MTERF3: variants seen among roughly 807,000 people sequenced by gnomAD.
The protein encoded by MTERF3 is mitochondrial transcription termination factor 3.
MTERF3 carries 40 observed loss-of-function variants against 40.5 expected under a neutral mutation model. The observed-to-expected ratio is 0.99, with a 90% CI of 0.77 to 1.29. The LOEUF (loss-of-function observed/expected upper bound fraction) is 1.29. Among genes scored for constraint, MTERF3 ranks in the 50% most tolerant of loss-of-function variants. The pLI, the probability that MTERF3 is intolerant of heterozygous loss-of-function variation, is 0.00. For synonymous variants in MTERF3, 158 were observed against 166.6 expected, an observed-to-expected ratio of 0.95 and a Z score of 0.40; for missense variants, 452 against 478.2, an observed-to-expected ratio of 0.95 and a Z score of 0.51.
chr8:96,251,838 G>GTAT (rs1303551347), intron 3 of MTERF3, among the ~76,000 whole-genome samples: 1 of 152,102 alleles, frequency 6.6e-6, no homozygotes, highest in African/African-American at 2.4e-5. Context: ...TATTAAACAG[G>GTAT]TATTAAGATG....
At chr8:96,250,620 GAAGAAGAAGAAGAAGAAGAA>G (rs1810134616) in intron 4 of MTERF3, among the ~76,000 whole-genome samples, 1 of 9,408 alleles carries the variant, frequency 1.1e-4, no homozygotes, top group East Asian at 1.5e-3. Context: ...TGAGGCAGAA[GAAGAAGAAGAAGAAGAAGAA>G]GAAGAAGAAG....
At chr8:96,249,425 T>A (rs1457051795) in intron 4 of MTERF3, among the ~76,000 whole-genome samples, 1 of 152,226 alleles carries the variant, frequency 6.6e-6, no homozygotes, top group Non-Finnish European at 1.5e-5. Context: ...GAGCTGGATA[T>A]GTCAGATGAG....
Position 96,257,007 on chromosome 8 carries a change from C to T in MTERF3, c.442G>A (p.Asp148Asn). Residue 148 changes from aspartate (D) to asparagine (N), a missense_variant, in exon 3 of 8, where the codon GAC (aspartate) becomes AAC (asparagine). Transcript: ENST00000287025. ...AGAGTCTCAGAATGATCCACATAGTCTCGAAGTGTGAATGAAGCTGGTGGC... is the reference window on the plus strand; with the variant it reads ...AGAGTCTCAGAATGATCCACATAGTTTCGAAGTGTGAATGAAGCTGGTGGC... ...PLPPASFTLR[D>N]YVDHSETLQK... The T allele has an allele frequency of 6.2e-7, 1 of 1,613,928 alleles. No homozygotes were observed.
chr8:96,249,101 C>T (rs927248944), intron 4 of MTERF3, among the ~76,000 whole-genome samples: 6 of 152,152 alleles, frequency 3.9e-5, no homozygotes, highest in Non-Finnish European at 7.4e-5. Context: ...GAGCAAGTAA[C>T]TTAAGCTATT....
intron 7 of MTERF3, among the ~76,000 whole-genome samples, chr8:96,242,319 G>T (rs559560129): frequency 1.9e-4 from 29 of 152,160 alleles, no homozygotes; most frequent in Non-Finnish European, 3.2e-4. Flanking sequence ...TAAAATCTGT[G>T]TTTTTAAGTG....
chr8:96,245,982 T>A, intron 5 of MTERF3, 51 bp from the exon 6 acceptor site: 1 of 1,518,890 alleles, frequency 6.6e-7, no homozygotes, highest in Non-Finnish European at 9.0e-7. Context: ...CATCTTTAAC[T>A]AGTTTGGAAA....
intron 4 of MTERF3, among the ~76,000 whole-genome samples, chr8:96,249,215 C>T (rs148687095): frequency 2.6e-4 from 39 of 152,254 alleles, no homozygotes; most frequent in Non-Finnish European, 3.7e-4. Context: ...CTTATACTAA[C>T]GGTGTGTAAT....
chr8:96,243,979 C>T lies in MTERF3; in HGVS notation c.999G>A (p.Thr333=), dbSNP rs146707087. Residue 333 remains threonine, a synonymous_variant, in exon 7 of 8, where the codon ACG becomes ACA. Transcript: ENST00000287025. ...LTANKMKLTE[T]FDFVHNVMSI... is the part of the protein sequence containing the mutation. ...TCATCACATTGTGCACAAAATCAAA[C>T]GTCTCGGTAAGTTTCATTTTATTTG... 3,733 of 1,614,102 alleles carry T rather than the reference C, an allele frequency of 2.3e-3. 16 individuals are homozygous for T. The highest frequency in any genetic ancestry group is 8.1e-3 in the South Asian group (736 of 91,072).
At chr8:96,245,459 T>C (rs1810003972) in intron 6 of MTERF3, among the ~76,000 whole-genome samples, 1 of 152,128 alleles carries the variant, frequency 6.6e-6, no homozygotes, top group African/African-American at 2.4e-5. Flanking sequence ...GGATCCAGCC[T>C]CCAAAACTCC....
chr8:96,256,062 A>T (rs968004787), intron 3 of MTERF3, among the ~76,000 whole-genome samples: 1 of 152,236 alleles, frequency 6.6e-6, no homozygotes, highest in Non-Finnish European at 1.5e-5. Flanking sequence ...AGGAGAAAGG[A>T]GATTCATTAT....
chr8:96,250,450 C>T lies in MTERF3; in HGVS notation c.677+456G>A, dbSNP rs183224476. Among the ~76,000 whole-genome samples the T allele has an allele frequency of 1.0e-3, 151 of 146,392 alleles. 1 individual carries two copies. The highest frequency in any genetic ancestry group is 3.4e-3 in the African/African-American group (139 of 40,336). ...TGGAGCCAGGCAGGGTGGCTCATGCCTGTAAAATCCCAGCACTTTGGAGGC... is the reference window on the plus strand; with the variant it reads ...TGGAGCCAGGCAGGGTGGCTCATGCTTGTAAAATCCCAGCACTTTGGAGGC... On this transcript the variant is annotated intron_variant, in intron 4 of 7. Coordinates refer to ENST00000287025, the MANE Select transcript of MTERF3 (RefSeq NM_015942.5).
intron 4 of MTERF3, among the ~76,000 whole-genome samples, chr8:96,250,694 A>AGGAGGG (rs1481699664): frequency 5.8e-5 from 1 of 17,238 alleles, no homozygotes; most frequent in African/African-American, 3.1e-4. Flanking sequence ...GAGGAGGAGG[A>AGGAGGG]GGGGGGGAGG....
At chr8:96,244,608 C>T (rs558272368) in intron 6 of MTERF3, among the ~76,000 whole-genome samples, 14 of 152,236 alleles carry the variant, frequency 9.2e-5, no homozygotes, top group Admixed American at 3.9e-4. Flanking sequence ...ACCATGTTGG[C>T]CAGGCTGGTC....
At chr8:96,241,840 C>T (rs951531794) in intron 7 of MTERF3, among the ~76,000 whole-genome samples, 1 of 152,192 alleles carries the variant, frequency 6.6e-6, no homozygotes, top group Non-Finnish European at 1.5e-5. Context: ...ACTTTGCCTT[C>T]ACAGAAAGTC....
In MTERF3 at chr8:96,251,826, G is replaced by C. The variant is rs533976697; in HGVS notation, c.488-731C>G. Among the ~76,000 whole-genome samples, 10 of 152,248 alleles carry C rather than the reference G, an allele frequency of 6.6e-5. No homozygotes were observed. The South Asian group carries it at 2.1e-3, about 32-fold the overall frequency. On this transcript the variant is annotated intron_variant, in intron 3 of 7. Coordinates refer to ENST00000287025, the MANE Select transcript of MTERF3 (RefSeq NM_015942.5). ...ATATAATTATAAATCCAAATTTCTT[G>C]ATATTAAACAGGTATTAAGATGCCC... is the stretch of plus-strand genomic sequence containing the variant.
chr8:96,250,952 T>G lies in MTERF3; in HGVS notation c.631A>C (p.Lys211Gln), dbSNP rs112357919. Residue 211 changes from lysine (K) to glutamine (Q), a missense_variant, in exon 4 of 8, where the codon AAA becomes CAA. By Grantham distance (53) the Lys-to-Gln change is moderately conservative. Coordinates refer to ENST00000287025, the MANE Select transcript of MTERF3 (RefSeq NM_015942.5). ...EDNQLGAFLT[K>Q]NHAIFSEDLE... ...TCTTCAGAGAAAATTGCATGATTTT[T>G]TGTCAGGAATGCTCCCAGTTGGTTA... 7.0e-3 allele frequency: 11,184 copies of G among 1,609,032 alleles called. 687 individuals carry two copies. The African/African-American group carries it at 0.13, about 19-fold the overall frequency.
At position 96,239,476 on chromosome 8, in the gene MTERF3, AACAT is replaced by A. The variant is rs773475400; in HGVS notation, c.*11_*14del. The A allele has an allele frequency of 1.3e-6, 2 of 1,554,348 alleles. No individual in the cohort carries two copies. The highest frequency in any genetic ancestry group is 1.7e-6 in the Non-Finnish European group (2 of 1,145,664). ...TATTCACTTTACAATACTGCATTTT[AACAT>A]ACATAAAAATCTAAAGCGTTTTTAA... On this transcript the variant is annotated 3_prime_UTR_variant, in exon 8 of 8. Transcript: ENST00000287025.
intron 4 of MTERF3, among the ~76,000 whole-genome samples, chr8:96,250,454 A>G (rs1352008091): frequency 1.4e-5 from 2 of 146,448 alleles, no homozygotes; most frequent in African/African-American, 5.0e-5. Context: ...TCATGCCTGT[A>G]AAATCCCAGC....
intron 7 of MTERF3, among the ~76,000 whole-genome samples, chr8:96,243,499 T>G (rs528262570): frequency 8.5e-5 from 13 of 152,344 alleles, no homozygotes; most frequent in Non-Finnish European, 1.5e-4. Flanking sequence ...GAAGCTTGAT[T>G]AGCTTAGAAA....
Sources: allele counts gnomAD v4.1 joint callset (sites outside exome capture counted in the v4.1 genomes callset), GRCh38; gene constraint gnomAD v4.1.1; transcripts MANE v1.5; gene names NCBI Gene and HGNC (gene_info 2026-07-23, HGNC 2026-07-21).